SPEF2: variants seen among roughly 807,000 people sequenced by gnomAD.
SPEF2 encodes the protein sperm flagellar and cilia associated 2, also known as sperm flagella and cilia-associated protein 2.
In SPEF2, 187 loss-of-function variants were observed where a neutral mutation model predicts 224.6. The ratio of observed to expected loss-of-function variants is 0.83; its 90% CI spans 0.74 to 0.94. SPEF2 has a LOEUF of 0.94. SPEF2 is among the 40% of genes least tolerant of loss of function. The pLI is 0.00. For missense variants in SPEF2, 2,170 were observed against 2,135.6 expected (o/e 1.02, Z -0.32); for synonymous variants, 715 against 707.3 (o/e 1.01, Z -0.17).
Position 35,773,970 on chromosome 5 carries a change from G to T in SPEF2, c.4027G>T (p.Glu1343Ter). The T allele has an allele frequency of 6.2e-7, 1 of 1,613,232 alleles. No individual in the cohort carries two copies. The highest frequency in any genetic ancestry group is 1.1e-5 in the South Asian group (1 of 91,032). The part of the protein sequence containing the change: ...EEIAEIKRKN[E>*]LRVKIKEEHL... ...AATTGCTGAAATCAAAAGGAAAAAT[G>T]AACTGAGGGTCAAAATAAAAGAAGA... The change falls in exon 28 of 37, where the codon GAA (glutamate) becomes TAA (stop). Residue 1343 changes from glutamate to a stop codon, truncating the protein, a stop_gained. Coordinates refer to ENST00000356031, the MANE Select transcript of SPEF2 (RefSeq NM_024867.4). LOFTEE classifies it high-confidence loss of function.
Position 35,793,303 on chromosome 5 carries a change from G to A in SPEF2, c.4699G>A (p.Glu1567Lys). The A allele has an allele frequency of 6.2e-7, 1 of 1,614,066 alleles. No homozygotes were observed. The highest frequency in any genetic ancestry group is 8.5e-7 in the Non-Finnish European group (1 of 1,179,992). Residue 1567 changes from glutamate to lysine, a missense_variant, in exon 32 of 37, where the codon GAG becomes AAG. Glu to Lys is a moderately conservative substitution (Grantham distance 56). Transcript: ENST00000356031. ...TCAGAAGTTCAAGGCTGTGGATAAG[G>A]AGCAGTTGGGCACCATCACTTTTGA... is the stretch of plus-strand genomic sequence containing the variant. ...TLQKFKAVDK[E>K]QLGTITFEQY... is the part of the protein sequence containing the mutation.
At chr5:35,751,387 T>C (rs1184250707) in intron 23 of SPEF2, among the ~76,000 whole-genome samples, 1 of 150,448 alleles carries the variant, frequency 6.6e-6, no homozygotes, top group Non-Finnish European at 1.5e-5. Context: ...ATGTGATGAG[T>C]ACAGCAAAAT....
At chr5:35,738,317 G>T (rs1461220010) in intron 21 of SPEF2, among the ~76,000 whole-genome samples, 1 of 151,762 alleles carries the variant, frequency 6.6e-6, no homozygotes, top group Non-Finnish European at 1.5e-5. Flanking sequence ...GTATTGCCTA[G>T]GTTTTCTTCT....
At chr5:35,738,422 T>TTCTA (rs1747020022) in intron 21 of SPEF2, among the ~76,000 whole-genome samples, 1 of 151,604 alleles carries the variant, frequency 6.6e-6, no homozygotes, top group Non-Finnish European at 1.5e-5. Context: ...AGTTTCAGCT[T>TTCTA]TCTACATATG....
intron 33 of SPEF2, among the ~76,000 whole-genome samples, chr5:35,798,507 T>A (rs79671145): frequency 0.027 from 4,041 of 152,318 alleles, 204 homozygotes; most frequent in African/African-American, 0.093. Flanking sequence ...ATCTCAATCT[T>A]GCTGTCTAGC....
intron 19 of SPEF2, chr5:35,710,541 A>G (rs879278228): frequency 1.9e-4 from 183 of 974,912 alleles, no homozygotes; most frequent in Non-Finnish European, 2.2e-4. Flanking sequence ...TGGGGGATAG[A>G]GTGAAACTCT....
chr5:35,682,335 C>T (rs6861220), intron 10 of SPEF2, among the ~76,000 whole-genome samples: 1,958 of 149,276 alleles, frequency 0.013, 60 homozygotes, highest in African/African-American at 0.049. Flanking sequence ...TGGGTCTTAT[C>T]AAATATAGGT....
At chr5:35,674,341 T>A (rs1378216294) in intron 10 of SPEF2, among the ~76,000 whole-genome samples, 2 of 148,284 alleles carry the variant, frequency 1.3e-5, no homozygotes, top group Non-Finnish European at 3.0e-5. Flanking sequence ...CGTCTTCTTT[T>A]TTTTTTTTTT....
rs201308756 is a variant in SPEF2, at chr5:35,771,673, A to G, written c.3866A>G (p.Lys1289Arg). 2.7e-4 allele frequency: 436 copies of G among 1,611,964 alleles called. 1 individual carries two copies. The highest frequency in any genetic ancestry group is 3.1e-4 in the Non-Finnish European group (363 of 1,179,428). The part of the protein sequence containing the change: ...EEKENQPADP[K>R]EKSPQMGANK... ...AAAGAAAACCAGCCAGCAGACCCCA[A>G]AGAAAAATCTCCTCAGATGGGTGCA... Residue 1289 changes from lysine to arginine, a missense_variant, in exon 27 of 37, where the codon AAA (lysine) becomes AGA (arginine). Transcript: ENST00000356031.
intron 10 of SPEF2, among the ~76,000 whole-genome samples, chr5:35,687,654 C>A (rs1222768614): frequency 3.3e-5 from 5 of 152,054 alleles, no homozygotes; most frequent in African/African-American, 1.2e-4. Flanking sequence ...CGCACCAGGC[C>A]CACTTTAACT....
chr5:35,701,333 G>A (rs142790145), intron 16 of SPEF2, among the ~76,000 whole-genome samples: 2 of 152,202 alleles, frequency 1.3e-5, no homozygotes, highest in African/African-American at 4.8e-5. Flanking sequence ...TTACATAGAA[G>A]GTATTTGACC....
In SPEF2 at chr5:35,654,522, A is replaced by T; in HGVS notation, c.792-18A>T. The T allele has an allele frequency of 6.6e-7, 1 of 1,525,594 alleles. No individual in the cohort carries two copies. Among genetic ancestry groups the T allele is most frequent in the Non-Finnish European group, 8.8e-7 (1 of 1,141,164 alleles). 94.5% of individuals were successfully genotyped at this position (1,525,594 alleles called of 1,614,324 possible). A position where few individuals can be genotyped will look rare whatever the true frequency, so the allele number is the denominator to read the frequency against. On this transcript the variant is annotated intron_variant, in intron 6 of 36. Transcript: ENST00000356031. ...ACATTATTATTTAAAAATCTAAAAT[A>T]AAAACTATTATTCTTAGTGCATCCA...
In SPEF2 at chr5:35,799,958, T is replaced by C. The variant is rs777921823; in HGVS notation, c.4831-10T>C. On this transcript the variant is annotated splice_polypyrimidine_tract_variant and intron_variant, in intron 33 of 36. Coordinates refer to ENST00000356031, the MANE Select transcript of SPEF2 (RefSeq NM_024867.4). The stretch of plus-strand genomic sequence containing the variant: ...ACCCATTTTATCTTTGGAATTCTTT[T>C]TGTGTGCAGTTTTTCTTTAGGCTAT... The C allele has an allele frequency of 2.5e-6, 4 of 1,613,674 alleles. No individual in the cohort carries two copies. Among genetic ancestry groups the C allele is most frequent in the Non-Finnish European group, 3.4e-6 (4 of 1,179,716 alleles).
chr5:35,800,583 C>G (rs910295326), intron 34 of SPEF2, among the ~76,000 whole-genome samples: 1 of 152,200 alleles, frequency 6.6e-6, no homozygotes, highest in Non-Finnish European at 1.5e-5. Context: ...CACTGGAAAC[C>G]TGCATTTCAT....
chr5:35,654,697 G>A lies in SPEF2; in HGVS notation c.949G>A (p.Asp317Asn), dbSNP rs1489037623. Residue 317 changes from aspartate to asparagine, a missense_variant, in exon 7 of 37, where the codon GAC (aspartate) becomes AAC (asparagine). Asp to Asn is a conservative substitution (Grantham distance 23). Coordinates refer to ENST00000356031, the MANE Select transcript of SPEF2 (RefSeq NM_024867.4). Reference sequence around the variant, plus strand: ...GAAAAGACGGCGGAAATTGTTAATGGACCAGTTAATAGCCCACGAAGCACA... The same window carrying A: ...GAAAAGACGGCGGAAATTGTTAATGAACCAGTTAATAGCCCACGAAGCACA... The part of the protein sequence containing the change: ...REKRRRKLLM[D>N]QLIAHEAQEE... 1.2e-6 allele frequency: 2 copies of A among 1,611,110 alleles called. No homozygotes were observed. Among genetic ancestry groups the A allele is most frequent in the African/African-American group, 2.7e-5 (2 of 74,660 alleles).
intron 20 of SPEF2, among the ~76,000 whole-genome samples, chr5:35,714,883 G>A (rs1395935156): frequency 9.3e-5 from 14 of 151,300 alleles, no homozygotes; most frequent in East Asian, 5.8e-4. Flanking sequence ...TCTGCATAAC[G>A]TTTGATTATG....
rs955297128 is a variant in SPEF2 at position 35,695,890 on chromosome 5, A to C, written c.2037+94A>C. ...TGTCTTCGAATGCAATGAAATTGCA[A>C]TGTGCTCTTCTTTGGTTTCAAAGTT... On this transcript the variant is annotated intron_variant, in intron 14 of 36. Transcript: ENST00000356031. 31 of 863,956 alleles carry C rather than the reference A, an allele frequency of 3.6e-5. No individual in the cohort carries two copies. The South Asian group carries it at 5.9e-4, about 16-fold the overall frequency. The allele number at this position is 863,956 out of a possible 1,614,324, so 53.5% of individuals were successfully genotyped here. A position where few individuals can be genotyped will look rare whatever the true frequency, so the allele number is the denominator to read the frequency against.
chr5:35,760,393 A>G (rs1344693658), intron 25 of SPEF2, among the ~76,000 whole-genome samples: 4 of 151,650 alleles, frequency 2.6e-5, no homozygotes, highest in Non-Finnish European at 4.4e-5. Context: ...AACCTCTAAC[A>G]CTTTTATGAA....
At chr5:35,764,792 G>A (rs1751868548) in intron 26 of SPEF2, 2 of 446,690 alleles carry the variant, frequency 4.5e-6, no homozygotes, top group Non-Finnish European at 8.9e-6. Context: ...AGCAGCCTGT[G>A]TTTCCTTTCT....
Sources: allele counts gnomAD v4.1 joint callset (sites outside exome capture counted in the v4.1 genomes callset), GRCh38; gene constraint gnomAD v4.1.1; transcripts MANE v1.5; gene names NCBI Gene and HGNC (gene_info 2026-07-23, HGNC 2026-07-21).